SLC30A4: variants seen among roughly 807,000 people sequenced by gnomAD.
The protein encoded by SLC30A4 is probable proton-coupled zinc antiporter SLC30A4.
A neutral mutation model predicts 41.7 loss-of-function variants in SLC30A4; 20 were observed. The observed-to-expected ratio is 0.48, with a 90% CI of 0.34 to 0.70. The LOEUF is 0.70. Among genes scored for constraint, SLC30A4 ranks in the 30% least tolerant of loss-of-function variants. SLC30A4 has a pLI of 0.01. For missense variants in SLC30A4, 441 were observed against 529.3 expected (o/e 0.83, Z 1.64); for synonymous variants, 181 against 195.9 (o/e 0.92, Z 0.64).
At chr15:45,513,382 CTTT>C (rs746584532) in intron 2 of SLC30A4, among the ~76,000 whole-genome samples, 1 of 136,646 alleles carries the variant, frequency 7.3e-6, no homozygotes, top group Non-Finnish European at 1.6e-5. Flanking sequence ...ATCTTTTTAT[CTTT>C]TTTTTTTTTT....
At chr15:45,505,627 T>C (rs1007741867) in intron 3 of SLC30A4, among the ~76,000 whole-genome samples, 1 of 152,222 alleles carries the variant, frequency 6.6e-6, no homozygotes, top group Non-Finnish European at 1.5e-5. Flanking sequence ...TGTACTGTTA[T>C]AAAGTGATCT....
At chr15:45,492,161 T>C (rs943085188) in intron 3 of SLC30A4, among the ~76,000 whole-genome samples, 1 of 150,242 alleles carries the variant, frequency 6.7e-6, no homozygotes, top group Non-Finnish European at 1.5e-5. Flanking sequence ...AACACCTGCA[T>C]GTGTGCAAAG....
intron 6 of SLC30A4, among the ~76,000 whole-genome samples, chr15:45,487,002 T>A (rs578004147): frequency 6.7e-6 from 1 of 149,438 alleles, no homozygotes; most frequent in African/African-American, 2.5e-5. Flanking sequence ...CAAACCAGAA[T>A]ACTTCATTAA....
intron 3 of SLC30A4, among the ~76,000 whole-genome samples, chr15:45,506,293 A>G (rs1235536849): frequency 6.6e-6 from 1 of 152,198 alleles, no homozygotes; most frequent in Non-Finnish European, 1.5e-5. Context: ...ATCAACAGAG[A>G]AAAAACCCAT....
chr15:45,506,642 G>C (rs954866584), intron 3 of SLC30A4, among the ~76,000 whole-genome samples: 15 of 152,104 alleles, frequency 9.9e-5, no homozygotes, highest in African/African-American at 3.6e-4. Context: ...TTATTTCATA[G>C]AGCAGAATAA....
chr15:45,515,235 C>G (rs1892432114), intron 2 of SLC30A4, among the ~76,000 whole-genome samples: 1 of 151,830 alleles, frequency 6.6e-6, no homozygotes, highest in African/African-American at 2.4e-5. Context: ...ACTATACTGC[C>G]CAGGCTGATC....
intron 3 of SLC30A4, among the ~76,000 whole-genome samples, chr15:45,508,114 T>C (rs1295419601): frequency 6.6e-6 from 1 of 152,120 alleles, no homozygotes; most frequent in Non-Finnish European, 1.5e-5. Context: ...TAAACCACCA[T>C]GTCCAGCCTA....
chr15:45,509,837 T>C (rs1892243088), intron 3 of SLC30A4, among the ~76,000 whole-genome samples: 1 of 152,154 alleles, frequency 6.6e-6, no homozygotes, highest in Non-Finnish European at 1.5e-5. Context: ...GGTAGGAGGA[T>C]GGCTTGAGCA....
At chr15:45,497,927 A>G (rs971411474) in intron 3 of SLC30A4, among the ~76,000 whole-genome samples, 2 of 152,226 alleles carry the variant, frequency 1.3e-5, no homozygotes, top group South Asian at 2.1e-4. Flanking sequence ...ATGAGGCACT[A>G]TAACAATATT....
At chr15:45,491,095 TC>T (rs1358777703) in intron 3 of SLC30A4, among the ~76,000 whole-genome samples, 8 of 152,170 alleles carry the variant, frequency 5.3e-5, no homozygotes, top group Non-Finnish European at 1.0e-4. Context: ...CATGCATGGT[TC>T]ACTGCAGCCT....
At chr15:45,518,549 C>G (rs186015863) in intron 2 of SLC30A4, among the ~76,000 whole-genome samples, 1 of 151,786 alleles carries the variant, frequency 6.6e-6, no homozygotes, top group African/African-American at 2.4e-5. Context: ...TATCTCAGCT[C>G]ATTTAGTTAC....
intron 3 of SLC30A4, among the ~76,000 whole-genome samples, chr15:45,500,167 T>C (rs993830144): frequency 6.6e-6 from 1 of 152,118 alleles, no homozygotes; most frequent in African/African-American, 2.4e-5. Flanking sequence ...GCATGGAGCA[T>C]CTTGAGAGAT....
At chr15:45,499,105 C>T (rs1891963573) in intron 3 of SLC30A4, among the ~76,000 whole-genome samples, 1 of 137,516 alleles carries the variant, frequency 7.3e-6, no homozygotes. Flanking sequence ...TTTTTTGAGA[C>T]GGAGTCTCAC....
rs553209657 is a variant in SLC30A4, at chr15:45,516,309, T to C, written c.392-5025A>G. ...AAATATGGTCCCTGGATCAGTAGTGTTAGCATCCCCTGGGATTTTGTGTTT... is the reference window on the plus strand; with the variant it reads ...AAATATGGTCCCTGGATCAGTAGTGCTAGCATCCCCTGGGATTTTGTGTTT... On this transcript the variant is annotated intron_variant, in intron 2 of 7. Coordinates refer to ENST00000261867, the MANE Select transcript of SLC30A4 (RefSeq NM_013309.6). 5.3e-5 allele frequency among the ~76,000 whole-genome samples: 8 copies of C among 152,284 alleles called. No individual in the cohort carries two copies. The South Asian group carries it at 1.7e-3, about 32-fold the overall frequency.
intron 2 of SLC30A4, among the ~76,000 whole-genome samples, chr15:45,518,118 C>T (rs1170372954): frequency 2.0e-5 from 3 of 152,302 alleles, no homozygotes; most frequent in Admixed American, 2.0e-4. Context: ...CTTTCTAATT[C>T]CTTTCGAAGA....
At chr15:45,490,657 C>A (rs1023919096) in intron 4 of SLC30A4, 71 bp downstream of exon 4, 7 of 916,478 alleles carry the variant, frequency 7.6e-6, no homozygotes, top group Non-Finnish European at 1.2e-5. Context: ...CTGAATATTA[C>A]TGAATGCATA....
chr15:45,515,025 A>G (rs1375587969), intron 2 of SLC30A4, among the ~76,000 whole-genome samples: 1 of 150,128 alleles, frequency 6.7e-6, no homozygotes, highest in Non-Finnish European at 1.5e-5. Flanking sequence ...GACTACAGGC[A>G]TGTGCCACCA....
intron 7 of SLC30A4, among the ~76,000 whole-genome samples, chr15:45,486,197 A>G (rs1300899799): frequency 3.6e-5 from 5 of 137,552 alleles, no homozygotes; most frequent in Non-Finnish European, 4.7e-5. Context: ...TAATTTTTGT[A>G]TTTTTAGTAG....
chr15:45,506,950 C>T (rs999483230), intron 3 of SLC30A4, among the ~76,000 whole-genome samples: 10 of 152,260 alleles, frequency 6.6e-5, no homozygotes, highest in African/African-American at 1.9e-4. Flanking sequence ...ACATGTTCAA[C>T]ACCTCAAAAA....
Sources: allele counts gnomAD v4.1 joint callset (sites outside exome capture counted in the v4.1 genomes callset), GRCh38; gene constraint gnomAD v4.1.1; transcripts MANE v1.5; gene names NCBI Gene and HGNC (gene_info 2026-07-23, HGNC 2026-07-21).